The following PLBD1 variants were observed in gnomAD, a reference collection of about 807,000 sequenced individuals.
PLBD1 encodes phospholipase B domain containing 1, also known as lysosomal leucine aminopeptidase.
In PLBD1, 60 loss-of-function variants were observed where a neutral mutation model predicts 63.0. The ratio of observed to expected loss-of-function variants is 0.95; its 90% CI spans 0.77 to 1.18. The LOEUF is 1.18. PLBD1 is among the 50% of genes most tolerant of loss of function. PLBD1 has a pLI of 0.00. For synonymous variants in PLBD1, 262 were observed against 248.0 expected (o/e 1.06, Z -0.53); for missense variants, 598 against 677.9 (o/e 0.88, Z 1.31).
intron 4 of PLBD1, among the ~76,000 whole-genome samples, chr12:14,539,420 T>C (rs1202269553): frequency 6.6e-6 from 1 of 151,700 alleles, no homozygotes; most frequent in African/African-American, 2.4e-5. Flanking sequence ...ATATATAATA[T>C]ATTTATCATC....
chr12:14,539,514 A>G (rs1175394399), intron 4 of PLBD1, among the ~76,000 whole-genome samples: 1 of 151,842 alleles, frequency 6.6e-6, no homozygotes, highest in Non-Finnish European at 1.5e-5. Flanking sequence ...GGCTGGGTGC[A>G]ATGGCTCATA....
intron 2 of PLBD1, among the ~76,000 whole-genome samples, chr12:14,552,276 T>C (rs1307033998): frequency 6.6e-6 from 1 of 152,220 alleles, no homozygotes; most frequent in East Asian, 1.9e-4. Flanking sequence ...AACTTTATTT[T>C]CCTTAAAGAC....
At chr12:14,540,732 ATAAAT>A in intron 4 of PLBD1, 27 bp downstream of exon 4, 1 of 1,533,430 alleles carries the variant, frequency 6.5e-7, no homozygotes, top group Non-Finnish European at 8.8e-7. Context: ...ACCATACTCT[ATAAAT>A]TCTGAGAAGC....
At chr12:14,515,766 A>T (rs901768941) in intron 6 of PLBD1, among the ~76,000 whole-genome samples, 3 of 152,106 alleles carry the variant, frequency 2.0e-5, no homozygotes, top group Non-Finnish European at 2.9e-5. Context: ...CTTAATATTT[A>T]AAAAGGCCAA....
chr12:14,525,515 C>T (rs1391265558), intron 6 of PLBD1, among the ~76,000 whole-genome samples: 1 of 152,020 alleles, frequency 6.6e-6, no homozygotes, highest in African/African-American at 2.4e-5. Context: ...AAAACCCTTA[C>T]ATTTAATGAA....
chr12:14,506,150 A>G lies in PLBD1; in HGVS notation c.1479+12T>C, dbSNP rs1413344977. On this transcript the variant is annotated intron_variant, in intron 10 of 10. Coordinates refer to ENST00000240617, the MANE Select transcript of PLBD1 (RefSeq NM_024829.6). ...TGGTGGGAATTAAATTCAAAAGCCA[A>G]TAGCATGTTACCTTTGTGTCATAAC... The G allele has an allele frequency of 8.3e-6, 13 of 1,573,622 alleles. No homozygotes were observed. Among genetic ancestry groups the G allele is most frequent in the Middle Eastern group, 1.7e-4 (1 of 5,994 alleles).
intron 6 of PLBD1, among the ~76,000 whole-genome samples, chr12:14,531,653 C>G (rs542572688): frequency 1.3e-5 from 2 of 152,110 alleles, no homozygotes; most frequent in Non-Finnish European, 1.5e-5. Context: ...GTTCTTGAGA[C>G]GAGGCCTCAC....
intron 5 of PLBD1, chr12:14,536,050 C>G (rs1945511430): frequency 2.4e-6 from 1 of 410,070 alleles, no homozygotes; most frequent in African/African-American, 2.1e-5. Flanking sequence ...AATCCTAGCA[C>G]TTTGGGAGGC....
intron 6 of PLBD1, among the ~76,000 whole-genome samples, chr12:14,529,945 G>T (rs1945446326): frequency 6.6e-6 from 1 of 152,214 alleles, no homozygotes; most frequent in South Asian, 2.1e-4. Context: ...CATTGTGGTA[G>T]TTTTCAAATT....
At chr12:14,531,590 T>C (rs1258824844) in intron 6 of PLBD1, among the ~76,000 whole-genome samples, 1 of 152,208 alleles carries the variant, frequency 6.6e-6, no homozygotes, top group Non-Finnish European at 1.5e-5. Context: ...ATGTTTTCTG[T>C]TGGACTCTTC....
chr12:14,507,044 T>A lies in PLBD1; in HGVS notation c.1261A>T (p.Lys421Ter). 6.2e-7 allele frequency: 1 copy of A among 1,614,026 alleles called. No individual in the cohort carries two copies. Among genetic ancestry groups the A allele is most frequent in the Non-Finnish European group, 8.5e-7 (1 of 1,179,892 alleles). ...NWSGYPLLVQ[K>*]LGLDYSYDLA... ...TCATAAGAGTAGTCCAAGCCCAGCTTCTGAACTAACAGTGGATAGCCACTC... is the reference window on the plus strand; with the variant it reads ...TCATAAGAGTAGTCCAAGCCCAGCTACTGAACTAACAGTGGATAGCCACTC... The change falls in exon 9 of 11, where the codon AAG (lysine) becomes TAG (stop). Residue 421 changes from lysine (K) to a stop codon, truncating the protein, a stop_gained. Coordinates refer to ENST00000240617, the MANE Select transcript of PLBD1 (RefSeq NM_024829.6). LOFTEE classifies it high-confidence loss of function.
intron 1 of PLBD1, among the ~76,000 whole-genome samples, chr12:14,564,172 C>T (rs528238340): frequency 6.6e-6 from 1 of 152,140 alleles, no homozygotes; most frequent in East Asian, 1.9e-4. Flanking sequence ...TACCATTGTA[C>T]TCCAGCCTGG....
chr12:14,515,043 T>C (rs900676744), intron 6 of PLBD1, among the ~76,000 whole-genome samples: 2 of 152,110 alleles, frequency 1.3e-5, no homozygotes, highest in Admixed American at 1.3e-4. Context: ...TTCCGGTTAA[T>C]AAATCCTATT....
chr12:14,510,985 G>A (rs541606571), intron 8 of PLBD1, among the ~76,000 whole-genome samples: 1 of 152,234 alleles, frequency 6.6e-6, no homozygotes, highest in Admixed American at 6.5e-5. Context: ...CTTTAACCAG[G>A]AACACAGGAG....
At chr12:14,548,594 A>C (rs949993140) in intron 2 of PLBD1, among the ~76,000 whole-genome samples, 3 of 152,086 alleles carry the variant, frequency 2.0e-5, no homozygotes, top group African/African-American at 7.2e-5. Flanking sequence ...AAAAGAGGTA[A>C]CACCAAGCAC....
intron 2 of PLBD1, 41 bp downstream of exon 2, chr12:14,553,152 G>C: frequency 6.6e-7 from 1 of 1,521,510 alleles, no homozygotes; most frequent in Non-Finnish European, 9.0e-7. Context: ...GGAAGGACAG[G>C]GGTTGCCTGG....
intron 8 of PLBD1, among the ~76,000 whole-genome samples, chr12:14,508,667 G>A (rs959214732): frequency 6.6e-6 from 1 of 152,198 alleles, no homozygotes; most frequent in Non-Finnish European, 1.5e-5. Flanking sequence ...CTACTCGGGA[G>A]GCTGAGGCCC....
At chr12:14,538,178 T>G (rs1340925796) in intron 4 of PLBD1, among the ~76,000 whole-genome samples, 1 of 151,962 alleles carries the variant, frequency 6.6e-6, no homozygotes, top group Non-Finnish European at 1.5e-5. Flanking sequence ...ACTCTTCTTT[T>G]TTTAATTATT....
intron 2 of PLBD1, among the ~76,000 whole-genome samples, chr12:14,546,800 A>G (rs1021411358): frequency 3.3e-5 from 5 of 152,222 alleles, no homozygotes; most frequent in Non-Finnish European, 5.9e-5. Context: ...TGTCTACTAT[A>G]TAACCATATA....
Sources: gnomAD v4.1 joint callset for allele counts (sites outside exome capture counted in the v4.1 genomes callset) on GRCh38, gnomAD v4.1.1 for gene constraint, MANE v1.5 for transcripts, NCBI Gene and HGNC (gene_info 2026-07-23, HGNC 2026-07-21) for gene names.